Variants in ERG observed in about 807,000 individuals in gnomAD.
The protein encoded by ERG is ETS transcription factor ERG, also known as transcriptional regulator ERG.
A neutral mutation model predicts 55.3 loss-of-function variants in ERG; 9 were observed. The observed-to-expected ratio is 0.16, with a 90% CI of 0.10 to 0.28. The LOEUF is 0.28. Ranked by LOEUF, ERG falls within the 10% of genes least tolerant of loss-of-function variation. The pLI, the probability that ERG is intolerant of heterozygous loss-of-function variation, is 1.00. For missense variants in ERG, 434 were observed against 631.6 expected (o/e 0.69, Z 3.35); for synonymous variants, 223 against 237.3 (o/e 0.94, Z 0.55).
intron 2 of ERG, among the ~76,000 whole-genome samples, chr21:38,504,088 T>C (rs2059442444): frequency 6.6e-6 from 1 of 152,134 alleles, no homozygotes; most frequent in Admixed American, 6.5e-5. Flanking sequence ...TAAGAAATAA[T>C]CCAATTACAA....
At chr21:38,621,858 C>T (rs1333846232) in intron 1 of ERG, among the ~76,000 whole-genome samples, 4 of 152,228 alleles carry the variant, frequency 2.6e-5, no homozygotes, top group African/African-American at 9.6e-5. Flanking sequence ...TGAGTCCCCA[C>T]TCATGCCTTT....
At chr21:38,539,202 A>G (rs2059733499) in intron 2 of ERG, among the ~76,000 whole-genome samples, 1 of 152,192 alleles carries the variant, frequency 6.6e-6, no homozygotes, top group African/African-American at 2.4e-5. Flanking sequence ...CGCAACAAAA[A>G]TCACAACTCC....
chr21:38,387,994 A>T (rs1987781738), intron 9 of ERG, among the ~76,000 whole-genome samples: 1 of 152,126 alleles, frequency 6.6e-6, no homozygotes, highest in Non-Finnish European at 1.5e-5. Flanking sequence ...GTTTATGCAC[A>T]CCTCTGTAGC....
At chr21:38,400,387 G>A in intron 6 of ERG, 187 bp downstream of exon 6, 2 of 709,112 alleles carry the variant, frequency 2.8e-6, no homozygotes. Flanking sequence ...TTCCTTTAGT[G>A]TGGTCTTTGA....
chr21:38,436,778 A>C (rs13052814), intron 2 of ERG, among the ~76,000 whole-genome samples: 127,993 of 151,824 alleles, frequency 0.84, 54,105 homozygotes, highest in East Asian at 0.96. Context: ...GTACCCTCAT[A>C]TCTGTTATTG....
intron 1 of ERG, among the ~76,000 whole-genome samples, chr21:38,484,255 G>A (rs2059263821): frequency 1.3e-5 from 2 of 152,074 alleles, no homozygotes; most frequent in Admixed American, 6.6e-5. Flanking sequence ...GTGAGCCACC[G>A]CGCCCGGTCG....
At chr21:38,539,030 A>G (rs890450092) in intron 2 of ERG, among the ~76,000 whole-genome samples, 1 of 152,172 alleles carries the variant, frequency 6.6e-6, no homozygotes, top group East Asian at 1.9e-4. Context: ...CAGTTTTCTC[A>G]CTCATAAAAT....
chr21:38,458,484 T>C (rs922918841), intron 1 of ERG, among the ~76,000 whole-genome samples: 2 of 151,890 alleles, frequency 1.3e-5, no homozygotes, highest in Non-Finnish European at 2.9e-5. Flanking sequence ...CCATGGGCCT[T>C]GACACGTGAG....
intron 1 of ERG, among the ~76,000 whole-genome samples, chr21:38,468,107 C>T (rs1175616053): frequency 6.6e-6 from 1 of 152,184 alleles, no homozygotes; most frequent in African/African-American, 2.4e-5. Flanking sequence ...CGTGTTAGTG[C>T]TTCAAGTGAA....
At chr21:38,649,706 A>C (rs2060477419) in intron 1 of ERG, among the ~76,000 whole-genome samples, 1 of 152,210 alleles carries the variant, frequency 6.6e-6, no homozygotes, top group Admixed American at 6.5e-5. Context: ...CTTGGAATAG[A>C]ATTTCAGTTA....
rs191867149 is a variant in ERG, at chr21:38,459,328, T to C, written c.19-13707A>G. ...AGAGGGAAAGTTCTAAGACAGAGAATGCAAGATTTCTAAACAGGTCTAAGA... is the reference window on the plus strand; with the variant it reads ...AGAGGGAAAGTTCTAAGACAGAGAACGCAAGATTTCTAAACAGGTCTAAGA... On this transcript the variant is annotated intron_variant, in intron 1 of 9. Transcript: ENST00000288319. 2.4e-3 allele frequency among the ~76,000 whole-genome samples: 373 copies of C among 152,358 alleles called. 3 individuals are homozygous for C. The highest frequency in any genetic ancestry group is 8.6e-3 in the African/African-American group (358 of 41,580).
intron 6 of ERG, chr21:38,400,084 T>G (rs1460761669): frequency 9.6e-6 from 3 of 313,106 alleles, no homozygotes; most frequent in African/African-American, 6.3e-5. Context: ...TTTGCATGAA[T>G]GGCATGTAAA....
intron 3 of ERG, among the ~76,000 whole-genome samples, chr21:38,410,021 A>G (rs1350644173): frequency 6.6e-6 from 1 of 152,240 alleles, no homozygotes; most frequent in Non-Finnish European, 1.5e-5. Context: ...AATTTGTTTT[A>G]TATTTTTCTG....
intron 2 of ERG, among the ~76,000 whole-genome samples, chr21:38,565,243 T>C (rs1043083149): frequency 6.6e-6 from 1 of 152,172 alleles, no homozygotes; most frequent in Non-Finnish European, 1.5e-5. Context: ...GCCTCCTAAT[T>C]GGTCTTCCCT....
intron 1 of ERG, among the ~76,000 whole-genome samples, chr21:38,634,452 A>C (rs768508988): frequency 6.6e-6 from 1 of 152,192 alleles, no homozygotes; most frequent in African/African-American, 2.4e-5. Context: ...AGGAGGAGAA[A>C]ATGTGAGCAT....
chr21:38,568,675 GAT>G, intron 2 of ERG, among the ~76,000 whole-genome samples: 1 of 152,204 alleles, frequency 6.6e-6, no homozygotes, highest in East Asian at 1.9e-4. Flanking sequence ...GTTGGTGCCT[GAT>G]CCTCACACAA....
In ERG at chr21:38,406,154, C is replaced by CAAAAAAAAAAAAAAAAAAAAA. The variant is rs56711562; in HGVS notation, c.389-2466_389-2446dup. Among the ~76,000 whole-genome samples the CAAAAAAAAAAAAAAAAAAAAA allele has an allele frequency of 3.6e-4, 34 of 95,006 alleles. 1 individual carries two copies. Among genetic ancestry groups the CAAAAAAAAAAAAAAAAAAAAA allele is most frequent in the Middle Eastern group, 5.6e-3 (1 of 180 alleles). 62.3% of individuals were successfully genotyped at this position (95,006 alleles called of 152,430 possible). A position where few individuals can be genotyped will look rare whatever the true frequency, so the allele number is the denominator to read the frequency against. ...TGAGCGACAGAGCGAGACTCCATCTCAAAAAAAAAAAAAAAAAAAAATCAT... is the reference window on the plus strand; with the variant it reads ...TGAGCGACAGAGCGAGACTCCATCTCAAAAAAAAAAAAAAAAAAAAAAAAAAAAAAAAAAAAAAAAAATCAT... On this transcript the variant is annotated intron_variant, in intron 3 of 9. Transcript: ENST00000288319.
At chr21:38,469,099 C>T (rs1446375632) in intron 1 of ERG, among the ~76,000 whole-genome samples, 1 of 150,954 alleles carries the variant, frequency 6.6e-6, no homozygotes, top group African/African-American at 2.4e-5. Context: ...CCTTGACATG[C>T]CACTGGGGGT....
rs201978153 is a variant in ERG, at chr21:38,622,420, A to ACAC, written c.-149-37478_-149-37476dup. Reference sequence around the variant, plus strand: ...CACACACTACATGCTCATACATATCACACACACACACACACCCCCCACACA... The same window carrying ACAC: ...CACACACTACATGCTCATACATATCACACCACACACACACACACCCCCCACACA... On this transcript the variant is annotated intron_variant, in intron 1 of 10. Transcript: ENST00000398910. Among the ~76,000 whole-genome samples the ACAC allele has an allele frequency of 1.8e-4, 15 of 83,442 alleles. No individual in the cohort carries two copies. The East Asian group carries it at 6.1e-3, about 34-fold the overall frequency. 54.7% of individuals were successfully genotyped at this position (83,442 alleles called of 152,430 possible).
Sources: allele counts gnomAD v4.1 joint callset (sites outside exome capture counted in the v4.1 genomes callset), GRCh38; gene constraint gnomAD v4.1.1; transcripts MANE v1.5; gene names NCBI Gene and HGNC (gene_info 2026-07-23, HGNC 2026-07-21).